NEBL: variants seen among roughly 807,000 people sequenced by gnomAD.
NEBL encodes the protein nebulette.
A neutral mutation model predicts 140.2 loss-of-function variants in NEBL; 122 were observed. The observed-to-expected ratio is 0.87, with a 90% confidence interval of 0.75 to 1.01. NEBL has a LOEUF of 1.01. Ranked by LOEUF, NEBL falls within the 50% of genes least tolerant of loss-of-function variation. The pLI, the probability that NEBL is intolerant of heterozygous loss-of-function variation, is 0.00. For missense variants in NEBL, 1,365 were observed against 1,231.3 expected (o/e 1.11, Z -1.62); for synonymous variants, 436 against 398.9 (o/e 1.09, Z -1.11).
chr10:21,218,976 C>G (rs189762973), intron 3 of NEBL, among the ~76,000 whole-genome samples: 2 of 152,342 alleles, frequency 1.3e-5, no homozygotes, highest in African/African-American at 4.8e-5. Context: ...CAGACGGAAC[C>G]TTATGCCCTG....
chr10:20,926,503 T>C (rs1235271924), intron 4 of NEBL, among the ~76,000 whole-genome samples: 1 of 152,196 alleles, frequency 6.6e-6, no homozygotes, highest in East Asian at 1.9e-4. Flanking sequence ...TATATGAAAA[T>C]TATCCACAGT....
chr10:21,108,852 G>T (rs964607940), intron 2 of NEBL, among the ~76,000 whole-genome samples: 1 of 152,104 alleles, frequency 6.6e-6, no homozygotes, highest in African/African-American at 2.4e-5. Flanking sequence ...TGTATTGGGT[G>T]CATATATATT....
chr10:21,084,420 G>C (rs1243669858), intron 2 of NEBL, among the ~76,000 whole-genome samples: 1 of 152,020 alleles, frequency 6.6e-6, no homozygotes, highest in African/African-American at 2.4e-5. Context: ...TGAATGGGTA[G>C]AGCAAATATA....
Position 20,905,585 on chromosome 10 carries a change from G to A in NEBL, c.357+56087C>T, listed in dbSNP as rs116524169. ...CCCTCAACACATACGGATTACAATT[G>A]GAGCTGAGATTTGGGTGGGGACACA... On this transcript the variant is annotated intron_variant, in intron 4 of 6. Coordinates refer to the NEBL transcript ENST00000417816. Among the ~76,000 whole-genome samples, 1,164 of 152,272 alleles carry A rather than the reference G, an allele frequency of 7.6e-3. 14 individuals are homozygous for A. Among genetic ancestry groups the A allele is most frequent in the African/African-American group, 0.027 (1,111 of 41,550 alleles).
intron 4 of NEBL, among the ~76,000 whole-genome samples, chr10:20,941,983 G>A (rs558585808): frequency 6.6e-6 from 1 of 152,184 alleles, no homozygotes; most frequent in African/African-American, 2.4e-5. Context: ...TGGGTAGGAA[G>A]AATCAATATT....
At chr10:21,148,774 C>T (rs1840018814) in intron 2 of NEBL, among the ~76,000 whole-genome samples, 1 of 152,144 alleles carries the variant, frequency 6.6e-6, no homozygotes. Context: ...GATGCACCCG[C>T]CTCAGCCTCC....
intron 2 of NEBL, among the ~76,000 whole-genome samples, chr10:21,099,060 G>C (rs1281421377): frequency 2.0e-5 from 3 of 152,192 alleles, no homozygotes; most frequent in Admixed American, 6.5e-5. Context: ...ATGAGCCCAG[G>C]AGCTCACGGC....
chr10:21,076,407 T>G (rs1490320200), intron 2 of NEBL, among the ~76,000 whole-genome samples: 1 of 122,736 alleles, frequency 8.1e-6, no homozygotes, highest in Non-Finnish European at 1.6e-5. Context: ...ATCGTGCCAC[T>G]GCACTCCAGT....
chr10:21,271,541 T>G (rs1045922416), intron 1 of NEBL, among the ~76,000 whole-genome samples: 2 of 152,010 alleles, frequency 1.3e-5, no homozygotes, highest in African/African-American at 4.8e-5. Context: ...TTTTTTTTTT[T>G]TCTAGATGGA....
At chr10:20,954,026 A>AG (rs1491356054) in intron 4 of NEBL, among the ~76,000 whole-genome samples, 1 of 22,232 alleles carries the variant, frequency 4.5e-5, no homozygotes, top group Admixed American at 9.0e-4. Flanking sequence ...CTTCTTAAGG[A>AG]AAAAAAAAAA....
At chr10:21,093,150 C>CTTTTTTTTTTTTTT (rs4025884) in intron 2 of NEBL, among the ~76,000 whole-genome samples, 2,967 of 94,430 alleles carry the variant, frequency 0.031, 343 homozygotes, top group African/African-American at 0.092. Context: ...AGCAACAAGT[C>CTTTTTTTTTTTTTT]TTTTTTTTTT....
chr10:21,187,274 A>G (rs1354605700), intron 3 of NEBL, among the ~76,000 whole-genome samples: 2 of 151,906 alleles, frequency 1.3e-5, no homozygotes, highest in Non-Finnish European at 2.9e-5. Context: ...CCCTTTATAA[A>G]TTGCCCAGTC....
At chr10:20,929,474 CT>C (rs761390966) in intron 4 of NEBL, among the ~76,000 whole-genome samples, 9 of 152,298 alleles carry the variant, frequency 5.9e-5, no homozygotes, top group East Asian at 1.9e-4. Context: ...GACTTACCCC[CT>C]GATACAAACG....
At chr10:21,153,244 G>T (rs1484092733) in intron 2 of NEBL, among the ~76,000 whole-genome samples, 1 of 152,128 alleles carries the variant, frequency 6.6e-6, no homozygotes, top group Non-Finnish European at 1.5e-5. Context: ...TCCCCATGTG[G>T]ATCTAGAGGT....
upstream of NEBL, chr10:21,174,562 CCCT>C (rs149620381): frequency 0.063 from 9,674 of 152,378 alleles, 493 homozygotes; most frequent in East Asian, 0.21. Flanking sequence ...GGTGCGCCCT[CCCT>C]CCTCCTCCAG....
At chr10:21,082,234 C>T (rs1836399354) in intron 2 of NEBL, among the ~76,000 whole-genome samples, 1 of 152,094 alleles carries the variant, frequency 6.6e-6, no homozygotes, top group Non-Finnish European at 1.5e-5. Flanking sequence ...TGATTGAGTA[C>T]AAGGCATCAT....
intron 5 of NEBL, 29 bp from the exon 6 acceptor site, chr10:20,869,870 T>C: frequency 7.3e-7 from 1 of 1,362,744 alleles, no homozygotes; most frequent in Non-Finnish European, 1.1e-6. Context: ...GGTTAAAAAA[T>C]AAATAAATTA....
intron 3 of NEBL, among the ~76,000 whole-genome samples, chr10:21,193,836 A>G (rs1841612125): frequency 6.6e-6 from 1 of 152,226 alleles, no homozygotes; most frequent in Admixed American, 6.5e-5. Flanking sequence ...CTTCAGCACA[A>G]GAATTATCTG....
At chr10:21,250,879 G>A (rs919921283) in intron 2 of NEBL, among the ~76,000 whole-genome samples, 20 of 152,196 alleles carry the variant, frequency 1.3e-4, no homozygotes, top group Admixed American at 1.2e-3. Flanking sequence ...GGCAACAAGA[G>A]CAAGACTCCA....
Sources: allele counts gnomAD v4.1 joint callset (sites outside exome capture counted in the v4.1 genomes callset), GRCh38; gene constraint gnomAD v4.1.1; transcripts MANE v1.5; gene names NCBI Gene and HGNC (gene_info 2026-07-23, HGNC 2026-07-21).